PALLD: variants seen among roughly 807,000 people sequenced by gnomAD.
PALLD encodes the protein palladin, cytoskeletal associated protein, also known as palladin.
Under a neutral mutation model 123.5 loss-of-function variants are expected in PALLD, and 61 were observed. That is an observed-to-expected ratio of 0.49 (90% CI 0.40 to 0.61). The LOEUF (loss-of-function observed/expected upper bound fraction) is 0.61. Among genes scored for constraint, PALLD ranks in the 20% least tolerant of loss-of-function variants. PALLD has a pLI of 0.00. For missense variants in PALLD, 1,273 were observed against 1,377.0 expected, an observed-to-expected ratio of 0.92 and a Z score of 1.20; for synonymous variants, 465 against 496.4, an observed-to-expected ratio of 0.94 and a Z score of 0.84.
At chr4:168,822,367 TTAAA>T (rs939562928) in intron 10 of PALLD, among the ~76,000 whole-genome samples, 3 of 152,114 alleles carry the variant, frequency 2.0e-5, no homozygotes, top group African/African-American at 7.2e-5. Flanking sequence ...CTGTAGGCAC[TTAAA>T]TGAAAAGCAG....
chr4:168,772,069 G>T (rs1230799227), intron 10 of PALLD, among the ~76,000 whole-genome samples: 1 of 152,084 alleles, frequency 6.6e-6, no homozygotes, highest in Non-Finnish European at 1.5e-5. Flanking sequence ...ACTGAGTAGG[G>T]TTAATAATAC....
At chr4:168,751,905 CA>C (rs1731107128) in intron 10 of PALLD, among the ~76,000 whole-genome samples, 1 of 152,142 alleles carries the variant, frequency 6.6e-6, no homozygotes, top group African/African-American at 2.4e-5. Flanking sequence ...GTCATTTTCA[CA>C]AAACCAAGGG....
intron 2 of PALLD, among the ~76,000 whole-genome samples, chr4:168,543,915 G>T (rs1261623722): frequency 6.6e-6 from 1 of 152,194 alleles, no homozygotes; most frequent in African/African-American, 2.4e-5. Flanking sequence ...GTTGAATAAT[G>T]AATGAATTTG....
chr4:168,924,397 C>T lies in PALLD; in HGVS notation c.3201C>T (p.Leu1067=), dbSNP rs770518692. The T allele has an allele frequency of 5.0e-6, 8 of 1,613,816 alleles. No homozygotes were observed. The highest frequency in any genetic ancestry group is 2.7e-5 in the African/African-American group (2 of 74,914). The change falls in exon 19 of 22, where the codon CTC becomes CTT. Residue 1067 remains leucine, a synonymous_variant. Coordinates refer to ENST00000505667, the MANE Select transcript of PALLD (RefSeq NM_001166108.2). ...TTTGGAAGAAAGAAAATGAATCACT[C>T]ACTCACAGCACTGACCGAGTGAGGT... ...QIFWKKENES[L]THSTDRVSMH... is the part of the protein sequence containing the mutation.
At chr4:168,706,285 T>G (rs1205249639) in intron 8 of PALLD, among the ~76,000 whole-genome samples, 3 of 152,210 alleles carry the variant, frequency 2.0e-5, no homozygotes, top group Non-Finnish European at 4.4e-5. Flanking sequence ...CCTTTACTTT[T>G]ACCTCAACTA....
chr4:168,618,109 G>C (rs958873549), intron 2 of PALLD, among the ~76,000 whole-genome samples: 1 of 152,156 alleles, frequency 6.6e-6, no homozygotes, highest in African/African-American at 2.4e-5. Context: ...CGAAGTGAGA[G>C]GTAGCTTCCA....
chr4:168,774,221 G>T (rs1170947843), intron 10 of PALLD, among the ~76,000 whole-genome samples: 1 of 152,066 alleles, frequency 6.6e-6, no homozygotes, highest in Admixed American at 6.6e-5. Context: ...CAGAAGCCAT[G>T]TGACCCAAGC....
At chr4:168,742,857 G>A (rs1788494491) in intron 10 of PALLD, among the ~76,000 whole-genome samples, 1 of 152,154 alleles carries the variant, frequency 6.6e-6, no homozygotes, top group East Asian at 1.9e-4. Flanking sequence ...TTTATTGAAT[G>A]TAGTTGGATT....
intron 10 of PALLD, among the ~76,000 whole-genome samples, chr4:168,768,735 C>G (rs912310140): frequency 1.6e-4 from 24 of 152,112 alleles, no homozygotes; most frequent in Non-Finnish European, 3.5e-4. Flanking sequence ...TGCAGTGATG[C>G]CATCTCGGCT....
chr4:168,647,193 C>A (rs1364669259), intron 2 of PALLD, among the ~76,000 whole-genome samples: 1 of 152,104 alleles, frequency 6.6e-6, no homozygotes, highest in African/African-American at 2.4e-5. Flanking sequence ...AGAAGAAGTC[C>A]TTAAAAATGT....
chr4:168,808,160 T>A (rs1321628856), intron 10 of PALLD, among the ~76,000 whole-genome samples: 1 of 150,812 alleles, frequency 6.6e-6, no homozygotes, highest in Non-Finnish European at 1.5e-5. Context: ...TATGAGAATA[T>A]AAGGGAAAAT....
intron 9 of PALLD, among the ~76,000 whole-genome samples, chr4:168,709,523 G>GA (rs1401800140): frequency 8.3e-3 from 2 of 242 alleles, no homozygotes; most frequent in Non-Finnish European, 0.023. Context: ...AGGAAGGAAG[G>GA]AAGGAAGGAA....
chr4:168,787,420 C>T (rs1268878869), intron 10 of PALLD, among the ~76,000 whole-genome samples: 1 of 152,206 alleles, frequency 6.6e-6, no homozygotes, highest in Non-Finnish European at 1.5e-5. Flanking sequence ...TACAATTGAG[C>T]ATTTTTTCTA....
intron 15 of PALLD, among the ~76,000 whole-genome samples, chr4:168,904,495 G>T (rs939812950): frequency 6.6e-6 from 1 of 152,072 alleles, no homozygotes; most frequent in African/African-American, 2.4e-5. Flanking sequence ...AGGCTGCTGG[G>T]TATCATGTTG....
chr4:168,791,781 A>C (rs927802615), intron 10 of PALLD, among the ~76,000 whole-genome samples: 17 of 152,202 alleles, frequency 1.1e-4, no homozygotes, highest in Non-Finnish European at 7.3e-5. Flanking sequence ...ACTATGAACA[A>C]AGCTGCCTTC....
At chr4:168,878,085 C>T in intron 10 of PALLD, 1 of 1,443,628 alleles carries the variant, frequency 6.9e-7, no homozygotes, top group Non-Finnish European at 9.0e-7. Flanking sequence ...GGCCGCGCCC[C>T]CGTGCCGCCC....
rs1580849535 is a variant in PALLD at position 168,668,256 on chromosome 4, C to A, written c.975C>A (p.Asp325Glu). The A allele has an allele frequency of 6.2e-7, 1 of 1,613,910 alleles. No individual in the cohort carries two copies. Among genetic ancestry groups the A allele is most frequent in the Admixed American group, 1.7e-5 (1 of 60,004 alleles). ...TTCAAATCCACTGTGAGGGAGGGGA[C>A]CTCCATACCCTGATCATAGCAGAGG... ...PDIQIHCEGG[D>E]LHTLIIAEAF... is the part of the protein sequence containing the mutation. The change falls in exon 3 of 22, where the codon GAC becomes GAA. Residue 325 changes from aspartate to glutamate, a missense_variant. Asp to Glu is a conservative substitution (Grantham distance 45, BLOSUM62 2). Around this residue, in one of 2 missense-constraint regions of PALLD, gnomAD observed 944 missense variants for 954.5 expected, o/e 0.99. Transcript: ENST00000505667.
intron 2 of PALLD, among the ~76,000 whole-genome samples, chr4:168,655,790 C>T (rs1266596643): frequency 6.6e-6 from 1 of 152,176 alleles, no homozygotes; most frequent in Admixed American, 6.5e-5. Flanking sequence ...AGGGACATCT[C>T]CTGTCCTTTG....
At chr4:168,705,565 C>T (rs150142080) in intron 8 of PALLD, among the ~76,000 whole-genome samples, 2,793 of 152,308 alleles carry the variant, frequency 0.018, 86 homozygotes, top group South Asian at 0.14. Flanking sequence ...GTTTGAGCAA[C>T]TTCTTCCTGA....
Sources: gnomAD v4.1 joint callset for allele counts (sites outside exome capture counted in the v4.1 genomes callset) on GRCh38, gnomAD v4.1.1 for gene constraint, gnomAD v4.1.1 regional missense constraint, MANE v1.5 for transcripts, NCBI Gene and HGNC (gene_info 2026-07-23, HGNC 2026-07-21) for gene names.